The following DYM variants were observed in gnomAD, a reference collection of about 807,000 sequenced individuals.
The protein encoded by DYM is dyggve-Melchior-Clausen syndrome protein.
Under a neutral mutation model 93.1 loss-of-function variants are expected in DYM, and 78 were observed. The observed-to-expected ratio is 0.84, with a 90% CI of 0.70 to 1.01. The LOEUF (loss-of-function observed/expected upper bound fraction) is 1.01. Among genes scored for constraint, DYM ranks in the 50% least tolerant of loss-of-function variants. The pLI, the probability that DYM is intolerant of heterozygous loss-of-function variation, is 0.00. For synonymous variants in DYM, 321 were observed against 319.7 expected, an observed-to-expected ratio of 1.00 and a Z score of -0.04; for missense variants, 789 against 845.0, an observed-to-expected ratio of 0.93 and a Z score of 0.82.
intron 11 of DYM, among the ~76,000 whole-genome samples, chr18:49,258,964 T>G (rs1598952576): frequency 4.1e-5 from 4 of 98,110 alleles, no homozygotes; most frequent in African/African-American, 7.6e-5. Flanking sequence ...AAGAAAGAGG[T>G]AAAATGGGGG....
At chr18:49,451,417 G>T (rs1243570503) in intron 1 of DYM, among the ~76,000 whole-genome samples, 3 of 152,158 alleles carry the variant, frequency 2.0e-5, no homozygotes, top group Non-Finnish European at 4.4e-5. Context: ...GGAAGAACTG[G>T]CCTCATACCT....
Position 49,430,367 on chromosome 18 carries a change from C to G in DYM, c.28G>C (p.Asp10His). 2 of 1,613,822 alleles carry G rather than the reference C, an allele frequency of 1.2e-6. No homozygotes were observed. Among genetic ancestry groups the G allele is most frequent in the Non-Finnish European group, 1.7e-6 (2 of 1,179,978 alleles). ...TTCAAGTACTCATTTTTAGGAAGAT[C>G]GCCGATTCTGCTGCTATTCGATCCC... MGSNSSRIG[D>H]LPKNEYLKKL... The change falls in exon 2 of 18, where the codon GAT becomes CAT. Residue 10 changes from aspartate (D) to histidine (H), a missense_variant. Asp to His is a moderately conservative substitution (Grantham distance 81). Around this residue, in one of 3 missense-constraint regions of DYM, gnomAD observed 450 missense variants for 436.2 expected, o/e 1.03. Transcript: ENST00000675505.
intron 1 of DYM, among the ~76,000 whole-genome samples, chr18:49,434,047 T>C (rs1474268342): frequency 6.6e-6 from 1 of 151,900 alleles, no homozygotes; most frequent in African/African-American, 2.4e-5. Flanking sequence ...CTGTCTCTAT[T>C]AAAAATACAA....
At chr18:49,327,456 A>G (rs1187936047) in intron 8 of DYM, among the ~76,000 whole-genome samples, 1 of 152,104 alleles carries the variant, frequency 6.6e-6, no homozygotes, top group Non-Finnish European at 1.5e-5. Flanking sequence ...TTCCAGGCTC[A>G]AGCGAACTAC....
intron 1 of DYM, among the ~76,000 whole-genome samples, chr18:49,434,025 T>C (rs1600220682): frequency 6.6e-6 from 1 of 152,016 alleles, no homozygotes; most frequent in Admixed American, 6.6e-5. Context: ...GCCTGACCAA[T>C]AGGATGAAAC....
intron 2 of DYM, among the ~76,000 whole-genome samples, chr18:49,394,532 G>T (rs2069801551): frequency 1.3e-5 from 2 of 152,018 alleles, no homozygotes; most frequent in African/African-American, 4.8e-5. Context: ...TGTTGCCATA[G>T]AAATTTTAGA....
At chr18:49,078,291 G>A (rs1201951103) in intron 17 of DYM, among the ~76,000 whole-genome samples, 1 of 151,966 alleles carries the variant, frequency 6.6e-6, no homozygotes, top group Non-Finnish European at 1.5e-5. Flanking sequence ...TGAGGGGATG[G>A]ATACCCCATT....
At chr18:49,295,236 A>G (rs900791000) in intron 8 of DYM, among the ~76,000 whole-genome samples, 1 of 152,214 alleles carries the variant, frequency 6.6e-6, no homozygotes. Context: ...TTGAACATGC[A>G]TTTCAGGACA....
intron 1 of DYM, among the ~76,000 whole-genome samples, chr18:49,447,771 G>A (rs1460298167): frequency 2.0e-5 from 3 of 152,162 alleles, no homozygotes; most frequent in Non-Finnish European, 2.9e-5. Flanking sequence ...TGTATGAAAT[G>A]TGTGGGAAGT....
At position 49,431,441 on chromosome 18, in the gene DYM, G is replaced by T. The variant is rs190078430; in HGVS notation, c.-53-994C>A. Among the ~76,000 whole-genome samples the T allele has an allele frequency of 2.3e-3, 350 of 152,248 alleles. 1 individual carries two copies. The highest frequency in any genetic ancestry group is 4.2e-3 in the Non-Finnish European group (289 of 68,014). ...TGAATAAATAATTAGTATCCACGAG[G>T]CTCTTCAAAAGTCAGTATTGGTTGT... On this transcript the variant is annotated intron_variant, in intron 1 of 17. Coordinates refer to ENST00000675505, the MANE Select transcript of DYM (RefSeq NM_001353214.3).
chr18:49,263,091 G>A (rs1012306570), intron 11 of DYM, among the ~76,000 whole-genome samples: 24 of 151,936 alleles, frequency 1.6e-4, no homozygotes, highest in African/African-American at 5.6e-4. Context: ...GAATTTACTA[G>A]GAAGCAGAAT....
At chr18:49,273,198 T>C (rs137963238) in intron 10 of DYM, among the ~76,000 whole-genome samples, 1 of 152,130 alleles carries the variant, frequency 6.6e-6, no homozygotes, top group African/African-American at 2.4e-5. Context: ...CACTGGTATG[T>C]TTTGTTCTTT....
chr18:49,311,130 G>A (rs563233821), intron 8 of DYM, among the ~76,000 whole-genome samples: 1 of 152,326 alleles, frequency 6.6e-6, no homozygotes, highest in Admixed American at 6.5e-5. Context: ...GACAGCACAG[G>A]TCTAAGCAGA....
intron 14 of DYM, among the ~76,000 whole-genome samples, chr18:49,204,057 G>A (rs995491370): frequency 2.0e-5 from 3 of 151,728 alleles, no homozygotes; most frequent in Admixed American, 1.3e-4. Context: ...ACCTAAATCA[G>A]GTCCATGTAA....
chr18:49,452,410 A>G (rs560762062), intron 1 of DYM, among the ~76,000 whole-genome samples: 2 of 151,924 alleles, frequency 1.3e-5, no homozygotes, highest in Non-Finnish European at 2.9e-5. Context: ...ATCTGGCCCC[A>G]CCCACATCCT....
chr18:49,118,655 A>T, intron 16 of DYM, 89 bp downstream of exon 16: 1 of 1,208,266 alleles, frequency 8.3e-7, no homozygotes, highest in Non-Finnish European at 1.2e-6. Context: ...AGAAACTCTT[A>T]CTATTATAGT....
chr18:49,101,770 T>C (rs1481128504), intron 16 of DYM, among the ~76,000 whole-genome samples: 1 of 152,160 alleles, frequency 6.6e-6, no homozygotes, highest in African/African-American at 2.4e-5. Flanking sequence ...TGACAATCCA[T>C]TCAGCAGAGG....
intron 2 of DYM, among the ~76,000 whole-genome samples, chr18:49,423,864 G>A (rs945013423): frequency 7.2e-5 from 11 of 152,114 alleles, no homozygotes; most frequent in African/African-American, 2.7e-4. Context: ...TTGAATCCCT[G>A]AATATACCAA....
chr18:49,271,284 G>A (rs2094690832), intron 11 of DYM, among the ~76,000 whole-genome samples: 2 of 152,030 alleles, frequency 1.3e-5, no homozygotes, highest in African/African-American at 2.4e-5. Context: ...GAAAGGAAAC[G>A]CAATTATCCT....
Sources: allele counts gnomAD v4.1 joint callset (sites outside exome capture counted in the v4.1 genomes callset), GRCh38; gene constraint gnomAD v4.1.1; regional missense constraint gnomAD v4.1.1; transcripts MANE v1.5; gene names NCBI Gene and HGNC (gene_info 2026-07-23, HGNC 2026-07-21).